SPTLC2: variants seen among roughly 807,000 people sequenced by gnomAD.
SPTLC2 encodes serine palmitoyltransferase 2.
Under a neutral mutation model 62.0 loss-of-function variants are expected in SPTLC2, and 21 were observed. The observed-to-expected ratio is 0.34, with a 90% CI of 0.24 to 0.49. The LOEUF (loss-of-function observed/expected upper bound fraction) is 0.49. Ranked by LOEUF, SPTLC2 falls within the 20% of genes least tolerant of loss-of-function variation. SPTLC2 has a pLI of 0.99. For synonymous variants in SPTLC2, 261 were observed against 261.8 expected (o/e 1.00, Z 0.03); for missense variants, 511 against 713.0 (o/e 0.72, Z 3.23).
At chr14:77,567,949 T>C (rs1396032685) in intron 5 of SPTLC2, among the ~76,000 whole-genome samples, 1 of 152,132 alleles carries the variant, frequency 6.6e-6, no homozygotes, top group African/African-American at 2.4e-5. Flanking sequence ...TTTTATGGAT[T>C]TTGGATTATT....
chr14:77,584,117 A>G (rs1476362571), intron 2 of SPTLC2, among the ~76,000 whole-genome samples: 1 of 152,232 alleles, frequency 6.6e-6, no homozygotes, highest in East Asian at 1.9e-4. Flanking sequence ...ACATCTCAAT[A>G]AGAAGCCAAT....
intron 5 of SPTLC2, among the ~76,000 whole-genome samples, chr14:77,567,511 A>G (rs2079652011): frequency 6.6e-6 from 1 of 152,248 alleles, no homozygotes; most frequent in Non-Finnish European, 1.5e-5. Flanking sequence ...ATTTTATCTA[A>G]GTTGTTGAAT....
rs147399599 is a variant in SPTLC2 at position 77,506,535 on chromosome 14, G to C, written c.*5749C>G. 1.3e-5 allele frequency: 2 copies of C among 152,338 alleles called. No homozygotes were observed. The highest frequency in any genetic ancestry group is 2.9e-5 in the Non-Finnish European group (2 of 68,056). 9.4% of individuals were successfully genotyped at this position (152,338 alleles called of 1,614,324 possible). The stretch of plus-strand genomic sequence containing the variant: ...AGGGTGGGTTCCAGTGTCCTGTGAA[G>C]AACCAGCAAGGATGCTTTTTATAAT... On this transcript the variant is annotated 3_prime_UTR_variant, in exon 12 of 12. Coordinates refer to ENST00000216484, the MANE Select transcript of SPTLC2 (RefSeq NM_004863.4).
At chr14:77,614,969 G>GA (rs5809840) in intron 1 of SPTLC2, among the ~76,000 whole-genome samples, 15,723 of 135,664 alleles carry the variant, frequency 0.12, 1,267 homozygotes, top group East Asian at 0.44. Context: ...AAAACTGTCT[G>GA]AAAAAAAAAA....
intron 1 of SPTLC2, 135 bp downstream of exon 1, chr14:77,616,313 C>T (rs2079966838): frequency 2.3e-6 from 1 of 431,808 alleles, no homozygotes; most frequent in Non-Finnish European, 3.6e-6. Flanking sequence ...AGCGGCCGGA[C>T]ACTGCCGCCC....
At chr14:77,597,496 C>T (rs1163159798) in intron 1 of SPTLC2, 116 bp from the exon 2 acceptor site, 53 of 982,948 alleles carry the variant, frequency 5.4e-5, no homozygotes, top group South Asian at 7.1e-5. Context: ...TAAGTTCCGC[C>T]GGGCGCACTG....
At chr14:77,600,219 A>G (rs968459117) in intron 1 of SPTLC2, among the ~76,000 whole-genome samples, 1 of 152,214 alleles carries the variant, frequency 6.6e-6, no homozygotes, top group Non-Finnish European at 1.5e-5. Flanking sequence ...TGATTTTACC[A>G]AAGCCTTATT....
chr14:77,565,984 G>C (rs182341570), intron 5 of SPTLC2, among the ~76,000 whole-genome samples: 157 of 152,300 alleles, frequency 1.0e-3, no homozygotes, highest in African/African-American at 3.6e-3. Context: ...AAAATAAAGA[G>C]AAGTCAGATT....
chr14:77,605,687 T>C lies in SPTLC2; in HGVS notation c.133-8307A>G, dbSNP rs147368321. The stretch of plus-strand genomic sequence containing the variant: ...ACCAGCAGAACTTATGACAGCTATA[T>C]GGGTTGGCATGACAGACTAAATTTC... On this transcript the variant is annotated intron_variant, in intron 1 of 11. Transcript: ENST00000216484. Among the ~76,000 whole-genome samples the C allele has an allele frequency of 9.6e-3, 1,457 of 152,344 alleles. 20 individuals are homozygous for C. Among genetic ancestry groups the C allele is most frequent in the African/African-American group, 0.033 (1,389 of 41,570 alleles).
At chr14:77,594,054 AC>A (rs1227871000) in intron 2 of SPTLC2, among the ~76,000 whole-genome samples, 37 of 152,292 alleles carry the variant, frequency 2.4e-4, no homozygotes, top group African/African-American at 8.9e-4. Flanking sequence ...CTCTCCATAA[AC>A]TGCAGAGGCA....
In SPTLC2 at chr14:77,579,072, T is replaced by C. The variant is rs1490373966; in HGVS notation, c.365A>G (p.Tyr122Cys). The C allele has an allele frequency of 4.3e-6, 7 of 1,614,028 alleles. No individual in the cohort carries two copies. The highest frequency in any genetic ancestry group is 5.9e-6 in the Non-Finnish European group (7 of 1,180,038). The change falls in exon 3 of 12, where the codon TAT (tyrosine) becomes TGT (cysteine). Residue 122 changes from tyrosine to cysteine, a missense_variant. Coordinates refer to ENST00000216484, the MANE Select transcript of SPTLC2 (RefSeq NM_004863.4). ...VSLYQDFENF[Y>C]TRNLYMRIRD... The stretch of plus-strand genomic sequence containing the variant: ...TATCCTCATGTACAGATTCCTTGTA[T>C]AAAAGTTTTCAAAATCTTGATACAA...
At chr14:77,588,360 C>T (rs1222216375) in intron 2 of SPTLC2, among the ~76,000 whole-genome samples, 1 of 151,688 alleles carries the variant, frequency 6.6e-6, no homozygotes, top group East Asian at 1.9e-4. Context: ...ATAATTCCCA[C>T]CTGAGGAAGT....
At chr14:77,605,093 C>T in intron 1 of SPTLC2, among the ~76,000 whole-genome samples, 1 of 152,070 alleles carries the variant, frequency 6.6e-6, no homozygotes. Context: ...CTCACTGTAA[C>T]CTCAAACTCC....
rs548819873 is a variant in SPTLC2 at position 77,512,066 on chromosome 14, C to T, written c.*218G>A. 7 of 605,322 alleles carry T rather than the reference C, an allele frequency of 1.2e-5. No homozygotes were observed. In the South Asian group the frequency reaches 1.4e-4, roughly 12 times the overall value. The allele number at this position is 605,322 out of a possible 1,614,324, so 37.5% of individuals were successfully genotyped here. On this transcript the variant is annotated 3_prime_UTR_variant, in exon 12 of 12. Transcript: ENST00000216484. ...TGGACTGAAAAAGCAAAGTGAGTCA[C>T]CTTCGTTTTTAAAGGTGAGATTTAG...
At chr14:77,581,066 T>C (rs2079747422) in intron 2 of SPTLC2, among the ~76,000 whole-genome samples, 1 of 152,202 alleles carries the variant, frequency 6.6e-6, no homozygotes, top group Admixed American at 6.5e-5. Flanking sequence ...ACTTAAACTC[T>C]TGAATGTAAA....
At chr14:77,586,738 G>C (rs778213441) in intron 2 of SPTLC2, among the ~76,000 whole-genome samples, 2 of 152,018 alleles carry the variant, frequency 1.3e-5, no homozygotes, top group East Asian at 3.9e-4. Context: ...GTAGAAAAAC[G>C]GACAAAAGAT....
intron 1 of SPTLC2, among the ~76,000 whole-genome samples, chr14:77,601,607 C>T (rs905960717): frequency 8.5e-5 from 13 of 152,172 alleles, no homozygotes; most frequent in African/African-American, 3.1e-4. Flanking sequence ...CAGCGGGACT[C>T]CTTCGGGAGA....
chr14:77,563,736 T>C (rs1429765072), intron 5 of SPTLC2, among the ~76,000 whole-genome samples: 2 of 152,144 alleles, frequency 1.3e-5, no homozygotes, highest in African/African-American at 4.8e-5. Context: ...GAAAACTGTA[T>C]TTCTGCTCCA....
At chr14:77,527,862 G>A (rs2079417068) in intron 9 of SPTLC2, among the ~76,000 whole-genome samples, 1 of 152,182 alleles carries the variant, frequency 6.6e-6, no homozygotes, top group African/African-American at 2.4e-5. Context: ...AATAGAGCAT[G>A]CACTCAGCTG....
Sources: allele counts gnomAD v4.1 joint callset (sites outside exome capture counted in the v4.1 genomes callset), GRCh38; gene constraint gnomAD v4.1.1; transcripts MANE v1.5; gene names NCBI Gene and HGNC (gene_info 2026-07-23, HGNC 2026-07-21).